ZNF804A: variants seen among roughly 807,000 people sequenced by gnomAD.
The protein encoded by ZNF804A is zinc finger protein 804A.
ZNF804A carries 2 observed loss-of-function variants against 16.5 expected under a neutral mutation model. The ratio of observed to expected loss-of-function variants is 0.12; its 90% CI spans 0.05 to 0.38. ZNF804A has a LOEUF of 0.38. Among genes scored for constraint, ZNF804A ranks in the 10% least tolerant of loss-of-function variants. The probability of loss-of-function intolerance (pLI) is 0.99; values close to 1 mark genes in which losing one functional copy is unlikely to be tolerated. For missense variants in ZNF804A, 1,473 were observed against 1,390.7 expected, an observed-to-expected ratio of 1.06 and a Z score of -0.94; for synonymous variants, 534 against 489.6, an observed-to-expected ratio of 1.09 and a Z score of -1.20.
intron 2 of ZNF804A, among the ~76,000 whole-genome samples, chr2:184,932,792 A>G (rs968027981): frequency 1.3e-5 from 2 of 152,222 alleles, no homozygotes; most frequent in African/African-American, 2.4e-5. Context: ...CTCCAAAATT[A>G]TACCACACAC....
chr2:184,929,558 G>A (rs13391680), intron 2 of ZNF804A, among the ~76,000 whole-genome samples: 7,483 of 152,040 alleles, frequency 0.049, 617 homozygotes, highest in African/African-American at 0.17. Flanking sequence ...ATTAAAAACA[G>A]TAAAGTCTAT....
chr2:184,828,463 T>C (rs1695207265), intron 1 of ZNF804A, among the ~76,000 whole-genome samples: 1 of 151,828 alleles, frequency 6.6e-6, no homozygotes. Flanking sequence ...GTCACAATTG[T>C]AAATACAAAG....
chr2:184,700,447 A>G (rs543141404), intron 1 of ZNF804A, among the ~76,000 whole-genome samples: 1 of 152,188 alleles, frequency 6.6e-6, no homozygotes, highest in Non-Finnish European at 1.5e-5. Context: ...ACCAAATACT[A>G]AGAATTATAT....
chr2:184,722,229 T>C (rs1306268600), intron 1 of ZNF804A, among the ~76,000 whole-genome samples: 1 of 152,104 alleles, frequency 6.6e-6, no homozygotes, highest in Non-Finnish European at 1.5e-5. Flanking sequence ...TGTCTACATC[T>C]GCAGCAAATA....
intron 1 of ZNF804A, among the ~76,000 whole-genome samples, chr2:184,794,328 T>C (rs1382497263): frequency 7.9e-5 from 12 of 152,168 alleles, no homozygotes; most frequent in Non-Finnish European, 1.5e-5. Context: ...ACTACTGATG[T>C]TGAGCATTTT....
chr2:184,798,852 T>C (rs956024935), intron 1 of ZNF804A, among the ~76,000 whole-genome samples: 1 of 152,108 alleles, frequency 6.6e-6, no homozygotes, highest in Non-Finnish European at 1.5e-5. Flanking sequence ...TCCTTCTCAT[T>C]TGAGTAGGCT....
At chr2:184,608,188 G>C (rs1007193252) in intron 1 of ZNF804A, among the ~76,000 whole-genome samples, 2 of 151,634 alleles carry the variant, frequency 1.3e-5, no homozygotes, top group Non-Finnish European at 2.9e-5. Flanking sequence ...CTCGTGATCC[G>C]CCCGCCTCGG....
chr2:184,877,188 AC>A lies in ZNF804A; in HGVS notation c.255+10677del, dbSNP rs1684708697. On this transcript the variant is annotated intron_variant, in intron 2 of 3. Coordinates refer to ENST00000302277, the MANE Select transcript of ZNF804A (RefSeq NM_194250.2). ...TATTTTACCATTTTATTTTTAATGC[AC>A]TTTTTAAATGACCATCCTTTAACAA... 2.6e-5 allele frequency among the ~76,000 whole-genome samples: 4 copies of A among 152,088 alleles called. No homozygotes were observed. In the South Asian group the frequency reaches 8.3e-4, roughly 31 times the overall value.
At chr2:184,909,204 G>A (rs529202543) in intron 2 of ZNF804A, among the ~76,000 whole-genome samples, 2 of 152,032 alleles carry the variant, frequency 1.3e-5, no homozygotes, top group African/African-American at 4.8e-5. Context: ...GACTGGCTTT[G>A]TCCCAACTGG....
At chr2:184,797,321 A>G (rs1045577913) in intron 1 of ZNF804A, among the ~76,000 whole-genome samples, 1 of 152,130 alleles carries the variant, frequency 6.6e-6, no homozygotes. Context: ...ATTTAGGTGC[A>G]TATATGTTTA....
intron 3 of ZNF804A, 107 bp from the exon 4 acceptor site, chr2:184,935,676 T>C: frequency 3.0e-6 from 4 of 1,334,704 alleles, no homozygotes; most frequent in Non-Finnish European, 4.0e-6. Context: ...ACAAAGATTT[T>C]AAAATTTGAA....
At chr2:184,774,610 T>C (rs539796939) in intron 1 of ZNF804A, among the ~76,000 whole-genome samples, 1 of 151,854 alleles carries the variant, frequency 6.6e-6, no homozygotes, top group Admixed American at 6.6e-5. Flanking sequence ...TGTGGCAGAA[T>C]TGATTCTTCA....
chr2:184,770,992 C>T (rs1694203419), intron 1 of ZNF804A, among the ~76,000 whole-genome samples: 1 of 151,980 alleles, frequency 6.6e-6, no homozygotes, highest in Non-Finnish European at 1.5e-5. Flanking sequence ...AACTCGAACA[C>T]TACAAACAAC....
Position 184,662,362 on chromosome 2 carries a change from C to T in ZNF804A, c.111+63292C>T, listed in dbSNP as rs954903421. Reference sequence around the variant, plus strand: ...TTCATTCCTTGGAACTGTCAGGAAGCGTCAGATTTTTCTTATGCTTAAAGA... The same window carrying T: ...TTCATTCCTTGGAACTGTCAGGAAGTGTCAGATTTTTCTTATGCTTAAAGA... On this transcript the variant is annotated intron_variant, in intron 1 of 3. Transcript: ENST00000302277. Among the ~76,000 whole-genome samples, 8 of 152,160 alleles carry T rather than the reference C, an allele frequency of 5.3e-5. No individual in the cohort carries two copies. The South Asian group carries it at 6.2e-4, about 12-fold the overall frequency.
intron 1 of ZNF804A, among the ~76,000 whole-genome samples, chr2:184,632,774 TAGA>T (rs2105687732): frequency 6.6e-6 from 1 of 152,250 alleles, no homozygotes; most frequent in South Asian, 2.1e-4. Context: ...TTTGTTGGGG[TAGA>T]AGAAGGAAAA....
intron 1 of ZNF804A, among the ~76,000 whole-genome samples, chr2:184,741,519 C>G (rs1221177286): frequency 6.6e-6 from 1 of 152,084 alleles, no homozygotes; most frequent in Non-Finnish European, 1.5e-5. Context: ...GACTCAAAGT[C>G]CCCACCATAA....
intron 2 of ZNF804A, among the ~76,000 whole-genome samples, chr2:184,881,473 T>C (rs555685187): frequency 6.6e-6 from 1 of 152,172 alleles, no homozygotes; most frequent in South Asian, 2.1e-4. Flanking sequence ...CATCAGATTC[T>C]CCAAGGTTAA....
At chr2:184,829,189 T>C (rs1006990050) in intron 1 of ZNF804A, among the ~76,000 whole-genome samples, 62 of 151,890 alleles carry the variant, frequency 4.1e-4, no homozygotes, top group African/African-American at 1.3e-3. Flanking sequence ...ACTTATTATA[T>C]AGAGTGCATT....
chr2:184,663,633 GT>G (rs1474947911), intron 1 of ZNF804A, among the ~76,000 whole-genome samples: 1 of 152,148 alleles, frequency 6.6e-6, no homozygotes, highest in Non-Finnish European at 1.5e-5. Context: ...CAGGCTGTCA[GT>G]TCTGGGTTTA....
Sources: allele counts gnomAD v4.1 joint callset (sites outside exome capture counted in the v4.1 genomes callset), GRCh38; gene constraint gnomAD v4.1.1; transcripts MANE v1.5; gene names NCBI Gene and HGNC (gene_info 2026-07-23, HGNC 2026-07-21).